The following CLPSL1 variants were observed in gnomAD, a reference collection of about 807,000 sequenced individuals.
The protein encoded by CLPSL1 is colipase like 1, also known as colipase-like protein 1.
Under a neutral mutation model 9.3 loss-of-function variants are expected in CLPSL1, and 13 were observed. That is an observed-to-expected ratio of 1.40 (90% CI 0.91 to 2.22). CLPSL1 has a LOEUF of 2.22. Among genes scored for constraint, CLPSL1 ranks in the 30% most tolerant of loss-of-function variants. CLPSL1 has a pLI of 0.00. For synonymous variants in CLPSL1, 58 were observed against 56.9 expected (o/e 1.02, Z -0.08); for missense variants, 164 against 146.6 (o/e 1.12, Z -0.61).
downstream of CLPSL1, among the ~76,000 whole-genome samples, chr6:35,792,010 T>C (rs9470098): frequency 0.22 from 31,922 of 147,418 alleles, 838 homozygotes; most frequent in African/African-American, 0.36. Flanking sequence ...TGCTTGAACC[T>C]GGGAGGCAGA....
downstream of CLPSL1, among the ~76,000 whole-genome samples, chr6:35,790,336 G>GA (rs1023865720): frequency 1.8e-4 from 27 of 152,084 alleles, no homozygotes; most frequent in African/African-American, 5.3e-4. Context: ...GCCTAATAAG[G>GA]AAAAAAAAGA....
At chr6:35,785,339 A>G (rs1197622507) in intron 1 of CLPSL1, among the ~76,000 whole-genome samples, 2 of 151,354 alleles carry the variant, frequency 1.3e-5, no homozygotes, top group African/African-American at 2.4e-5. Context: ...CACCACGCCC[A>G]GCTAATTTTT....
chr6:35,785,597 A>G (rs1157111441), intron 1 of CLPSL1, among the ~76,000 whole-genome samples: 1 of 152,032 alleles, frequency 6.6e-6, no homozygotes, highest in Non-Finnish European at 1.5e-5. Flanking sequence ...CCCTGCTTTC[A>G]ATGGACACTT....
rs10642987 is a variant in CLPSL1 at position 35,793,425 on chromosome 6, C to CAAAAAA, written c.82-51_82-46dup. 581 of 412,466 alleles carry CAAAAAA rather than the reference C, an allele frequency of 1.4e-3. 3 individuals are homozygous for CAAAAAA. Among genetic ancestry groups the CAAAAAA allele is most frequent in the African/African-American group, 7.5e-3 (327 of 43,564 alleles). The allele number at this position is 412,466 out of a possible 1,614,324, so 25.6% of individuals were successfully genotyped here. The stretch of plus-strand genomic sequence containing the variant: ...GGGCAACAAGAGCAAAACTCTGTCT[C>CAAAAAA]AAAAAAAAAAAAAAAAAGGGTATGC... On this transcript the variant is annotated intron_variant, in intron 1 of 1. Coordinates refer to the CLPSL1 transcript ENST00000428710.
rs1768118614 is a variant in CLPSL1, at chr6:35,787,955, A to G, written c.311A>G (p.Tyr104Cys). ...AATGAGAAATGGCTTAGCATCGCCT[A>G]TGGCCGTTGTCAGAAAATTGGAAGG... The part of the protein sequence containing the change: ...SKNEKWLSIA[Y>C]GRCQKIGRQK... The change falls in exon 3 of 3, where the codon TAT becomes TGT. Residue 104 changes from tyrosine to cysteine, a missense_variant. Coordinates refer to ENST00000373861, the MANE Select transcript of CLPSL1 (RefSeq NM_001010886.5). 6.2e-7 allele frequency: 1 copy of G among 1,613,602 alleles called. No individual in the cohort carries two copies. Among genetic ancestry groups the G allele is most frequent in the Non-Finnish European group, 8.5e-7 (1 of 1,179,482 alleles).
intron 1 of CLPSL1, among the ~76,000 whole-genome samples, chr6:35,785,209 G>A (rs559979673): frequency 2.6e-4 from 33 of 127,050 alleles, no homozygotes; most frequent in Middle Eastern, 6.3e-3. Flanking sequence ...ACAGAGTCTC[G>A]CTTTGTCACC....
downstream of CLPSL1, among the ~76,000 whole-genome samples, chr6:35,789,874 A>G (rs946511392): frequency 6.6e-6 from 1 of 152,086 alleles, no homozygotes; most frequent in African/African-American, 2.4e-5. Context: ...AGCCTGGGCA[A>G]GAGAGCAAGA....
At chr6:35,785,588 C>A (rs186783528) in intron 1 of CLPSL1, among the ~76,000 whole-genome samples, 507 of 152,214 alleles carry the variant, frequency 3.3e-3, no homozygotes, top group Non-Finnish European at 5.3e-3. Flanking sequence ...CTCTCTGGCC[C>A]CTGCTTTCAA....
intron 1 of CLPSL1, among the ~76,000 whole-genome samples, chr6:35,782,844 C>T (rs1767991621): frequency 2.0e-5 from 3 of 152,302 alleles, no homozygotes; most frequent in African/African-American, 7.2e-5. Flanking sequence ...AGGATGGAAG[C>T]AGGGAGGCCG....
intron 2 of CLPSL1, 143 bp from the exon 3 acceptor site, chr6:35,787,724 C>T (rs1355398754): frequency 1.3e-6 from 1 of 796,874 alleles, no homozygotes; most frequent in African/African-American, 1.7e-5. Context: ...AGAGGTGCCA[C>T]TCTGAGCAGC....
chr6:35,786,921 G>A, intron 1 of CLPSL1, 77 bp from the exon 2 acceptor site: 1 of 1,511,292 alleles, frequency 6.6e-7, no homozygotes, highest in Non-Finnish European at 8.9e-7. Flanking sequence ...GAGCCCCGTA[G>A]GGAGAAAGCC....
chr6:35,791,172 A>G (rs992401693), downstream of CLPSL1, among the ~76,000 whole-genome samples: 14 of 152,248 alleles, frequency 9.2e-5, no homozygotes, highest in East Asian at 3.8e-4. Context: ...CCGCTGCCCT[A>G]TGGGAAAAGT....
chr6:35,782,379 A>G (rs897470885), intron 1 of CLPSL1, among the ~76,000 whole-genome samples: 1 of 152,240 alleles, frequency 6.6e-6, no homozygotes, highest in African/African-American at 2.4e-5. Flanking sequence ...CTTTAGTCCA[A>G]GGGGGCTAAG....
At chr6:35,789,099 A>G (rs1022021557), downstream of CLPSL1, among the ~76,000 whole-genome samples, 7 of 152,276 alleles carry the variant, frequency 4.6e-5, no homozygotes, top group Non-Finnish European at 1.0e-4. Flanking sequence ...AATGTATCAG[A>G]CAGATAACCA....
chr6:35,792,127 T>C (rs149584147), downstream of CLPSL1, among the ~76,000 whole-genome samples: 7,704 of 127,036 alleles, frequency 0.061, 224 homozygotes, highest in African/African-American at 0.18. Flanking sequence ...ATAAATAAAT[T>C]AGCCAGGCAT....
At position 35,781,779 on chromosome 6, in the gene CLPSL1, T is replaced by A. The variant is rs141618058; in HGVS notation, c.99+570T>A. On this transcript the variant is annotated intron_variant, in intron 1 of 2. Coordinates refer to ENST00000373861, the MANE Select transcript of CLPSL1 (RefSeq NM_001010886.5). ...TCTTTTTTTTGGGACAGAGTCTTGC[T>A]TTGTCACCCAGGCTGGAGTGCAGTG... Among the ~76,000 whole-genome samples the A allele has an allele frequency of 8.1e-3, 1,212 of 150,554 alleles. 18 individuals carry two copies. The highest frequency in any genetic ancestry group is 0.028 in the African/African-American group (1,142 of 40,830).
chr6:35,785,200 C>G (rs1357813096), intron 1 of CLPSL1, among the ~76,000 whole-genome samples: 3 of 108,238 alleles, frequency 2.8e-5, no homozygotes, highest in Admixed American at 2.4e-4. Context: ...TTTTTTGAGA[C>G]AGAGTCTCGC....
At chr6:35,790,871 T>C (rs972178503), downstream of CLPSL1, among the ~76,000 whole-genome samples, 2 of 152,218 alleles carry the variant, frequency 1.3e-5, no homozygotes, top group African/African-American at 4.8e-5. Flanking sequence ...CGAAACCCTG[T>C]GTCTGAAAAC....
downstream of CLPSL1, among the ~76,000 whole-genome samples, chr6:35,789,817 C>T (rs916438316): frequency 6.6e-6 from 1 of 152,188 alleles, no homozygotes; most frequent in Non-Finnish European, 1.5e-5. Flanking sequence ...TCACTTGAAC[C>T]TGGGAGGTGG....
Sources: allele counts gnomAD v4.1 joint callset (sites outside exome capture counted in the v4.1 genomes callset), GRCh38; gene constraint gnomAD v4.1.1; transcripts MANE v1.5; gene names NCBI Gene and HGNC (gene_info 2026-07-23, HGNC 2026-07-21).